Variants in GLI3 observed in about 807,000 individuals in gnomAD.
GLI3 encodes GLI family zinc finger 3.
Under a neutral mutation model 100.8 loss-of-function variants are expected in GLI3, and 20 were observed. The observed-to-expected ratio is 0.20, with a 90% confidence interval of 0.14 to 0.29. The LOEUF (loss-of-function observed/expected upper bound fraction) is 0.29, where lower values mean the gene tolerates loss of function less well. Ranked by LOEUF, GLI3 falls within the 10% of genes least tolerant of loss-of-function variation. The pLI is 1.00. For synonymous variants in GLI3, 938 were observed against 860.5 expected (o/e 1.09, Z -1.58); for missense variants, 2,040 against 2,128.5 (o/e 0.96, Z 0.82).
intron 3 of GLI3, among the ~76,000 whole-genome samples, chr7:42,084,898 A>ATTTTTTTT (rs1373503796): frequency 1.2e-4 from 11 of 91,888 alleles, no homozygotes; most frequent in African/African-American, 3.6e-4. Flanking sequence ...ATGCATTTGG[A>ATTTTTTTT]TTCTTTTTTT....
At chr7:42,062,561 C>T (rs960367610) in intron 4 of GLI3, among the ~76,000 whole-genome samples, 3 of 150,730 alleles carry the variant, frequency 2.0e-5, no homozygotes, top group Admixed American at 6.6e-5. Context: ...CCACAAGCTT[C>T]AACACTAAAG....
intron 2 of GLI3, among the ~76,000 whole-genome samples, chr7:42,219,989 G>A (rs1365668301): frequency 6.6e-6 from 1 of 151,886 alleles, no homozygotes. Context: ...GAGTGGCTGG[G>A]ACTACAGGCA....
intron 3 of GLI3, among the ~76,000 whole-genome samples, chr7:42,097,029 T>C (rs1785353085): frequency 6.6e-6 from 1 of 152,104 alleles, no homozygotes; most frequent in African/African-American, 2.4e-5. Context: ...GAATTCAGCC[T>C]CTTTATTTAT....
chr7:42,114,943 G>C (rs10235819), intron 3 of GLI3, among the ~76,000 whole-genome samples: 27,526 of 151,796 alleles, frequency 0.18, 4,024 homozygotes, highest in African/African-American at 0.41. Context: ...CTCAGGCAAT[G>C]TGCCTGCCTC....
chr7:42,199,651 T>C (rs1489235440), intron 2 of GLI3, among the ~76,000 whole-genome samples: 2 of 152,214 alleles, frequency 1.3e-5, no homozygotes, highest in African/African-American at 4.8e-5. Flanking sequence ...CTTAGCCTAA[T>C]AGCTGGACAA....
At chr7:41,981,943 A>G (rs974908383) in intron 10 of GLI3, among the ~76,000 whole-genome samples, 3 of 152,070 alleles carry the variant, frequency 2.0e-5, no homozygotes, top group Admixed American at 2.0e-4. Context: ...GTGGCAGGAA[A>G]TCCCACACCA....
In GLI3 at chr7:41,966,905, T is replaced by C. The variant is rs553261254; in HGVS notation, c.2432-264A>G. Among the ~76,000 whole-genome samples, 236 of 152,260 alleles carry C rather than the reference T, an allele frequency of 1.5e-3. No homozygotes were observed. The highest frequency in any genetic ancestry group is 5.4e-3 in the African/African-American group (224 of 41,544). On this transcript the variant is annotated intron_variant, in intron 14 of 14. Transcript: ENST00000395925. This position sits in a 1 kb window ranked among gnomAD's most constrained non-coding sequence, Gnocchi z 5.8. ...GGCGGCTGGAGATGGCCGCAGGCTG[T>C]AGTTTGCTGATGCCTGGCTTAAACA...
At chr7:42,009,510 C>G (rs1237265764) in intron 10 of GLI3, among the ~76,000 whole-genome samples, 1 of 102,288 alleles carries the variant, frequency 9.8e-6, no homozygotes, top group Non-Finnish European at 2.0e-5. Flanking sequence ...TGTAATTGAT[C>G]AAAAATTTCT....
intron 2 of GLI3, among the ~76,000 whole-genome samples, chr7:42,198,407 C>T (rs762979835): frequency 2.0e-5 from 3 of 152,144 alleles, no homozygotes; most frequent in Non-Finnish European, 4.4e-5. Flanking sequence ...AGCGAGAAAA[C>T]ACTCACCATG....
intron 2 of GLI3, among the ~76,000 whole-genome samples, chr7:42,204,597 G>A (rs1220857095): frequency 1.3e-5 from 2 of 152,150 alleles, no homozygotes; most frequent in African/African-American, 2.4e-5. Context: ...GCCTCAATAA[G>A]TGTTTGTTGA....
intron 3 of GLI3, chr7:42,118,195 C>G: frequency 2.5e-6 from 1 of 396,656 alleles, no homozygotes; most frequent in Non-Finnish European, 4.4e-6. Context: ...GCTTTTTCAC[C>G]TTTCCATTAT....
intron 4 of GLI3, among the ~76,000 whole-genome samples, chr7:42,057,064 A>G (rs893458733): frequency 6.6e-6 from 1 of 151,998 alleles, no homozygotes; most frequent in Non-Finnish European, 1.5e-5. Flanking sequence ...TGGTTATTTA[A>G]GAAAAGAAAT....
At chr7:42,020,716 C>A (rs1788911243) in intron 10 of GLI3, among the ~76,000 whole-genome samples, 1 of 152,164 alleles carries the variant, frequency 6.6e-6, no homozygotes, top group African/African-American at 2.4e-5. Flanking sequence ...CGGTGAAACC[C>A]CGTCTCTACT....
At chr7:42,039,812 A>G (rs926056010) in intron 7 of GLI3, among the ~76,000 whole-genome samples, 3 of 152,178 alleles carry the variant, frequency 2.0e-5, no homozygotes, top group Non-Finnish European at 2.9e-5. Flanking sequence ...TGCTATTTCT[A>G]TATAGGGGCT....
At chr7:42,048,383 C>T (rs1383944559) in intron 5 of GLI3, 108 bp downstream of exon 5, 1 of 818,576 alleles carries the variant, frequency 1.2e-6, no homozygotes, top group Non-Finnish European at 2.2e-6. Flanking sequence ...CAGCGCCTGG[C>T]ACATGGGAAA....
intron 10 of GLI3, among the ~76,000 whole-genome samples, chr7:41,982,018 G>A (rs1270440322): frequency 6.6e-6 from 1 of 152,066 alleles, no homozygotes; most frequent in Non-Finnish European, 1.5e-5. Context: ...AACTTATGTT[G>A]GGCACTTAAA....
At chr7:41,988,827 C>T (rs188502303) in intron 10 of GLI3, among the ~76,000 whole-genome samples, 9 of 152,266 alleles carry the variant, frequency 5.9e-5, no homozygotes, top group Admixed American at 2.0e-4. Flanking sequence ...TTTCTGAGTT[C>T]TAAGTTATTT....
intron 2 of GLI3, among the ~76,000 whole-genome samples, chr7:42,178,088 T>C (rs1313467951): frequency 6.6e-6 from 1 of 152,194 alleles, no homozygotes; most frequent in African/African-American, 2.4e-5. Context: ...AGGGGTACAG[T>C]GAATGTGCTG....
At chr7:42,010,116 G>A (rs1170282313) in intron 10 of GLI3, among the ~76,000 whole-genome samples, 1 of 152,158 alleles carries the variant, frequency 6.6e-6, no homozygotes, top group Non-Finnish European at 1.5e-5. Context: ...CAACTGACTT[G>A]CAGCACTTTC....
Sources: gnomAD v4.1 joint callset for allele counts (sites outside exome capture counted in the v4.1 genomes callset) on GRCh38, gnomAD v4.1.1 for gene constraint, Gnocchi (gnomAD v3.1) non-coding constraint, MANE v1.5 for transcripts, NCBI Gene and HGNC (gene_info 2026-07-23, HGNC 2026-07-21) for gene names.